The following SMARCA4 variants were observed in gnomAD, a reference collection of about 807,000 sequenced individuals.
The protein encoded by SMARCA4 is SWI/SNF related BAF chromatin remodeling complex subunit ATPase 4, also known as SWI/SNF-related matrix-associated actin-dependent regulator of chromatin subfamily A member 4.
In SMARCA4, 31 loss-of-function variants were observed where a neutral mutation model predicts 193.9. The ratio of observed to expected loss-of-function variants is 0.16; its 90% CI spans 0.12 to 0.22. The LOEUF (loss-of-function observed/expected upper bound fraction) is 0.22, where lower values mean the gene tolerates loss of function less well. SMARCA4 is among the 10% of genes least tolerant of loss of function. The pLI is 1.00. For synonymous variants in SMARCA4, 942 were observed against 933.1 expected (o/e 1.01, Z -0.17); for missense variants, 1,148 against 2,296.0 (o/e 0.50, Z 10.22).
In SMARCA4 at chr19:11,003,322, C is replaced by G. The variant is rs2146107041; in HGVS notation, c.1944-18C>G. The G allele has an allele frequency of 6.2e-7, 1 of 1,612,430 alleles. No individual in the cohort carries two copies. Among genetic ancestry groups the G allele is most frequent in the Non-Finnish European group, 8.5e-7 (1 of 1,178,460 alleles). Reference sequence around the variant, plus strand: ...GGCTCTGAGCAGATTTGTATGAAAGCCCTTACATTTTTTCTAGGTATGAAG... The same window carrying G: ...GGCTCTGAGCAGATTTGTATGAAAGGCCTTACATTTTTTCTAGGTATGAAG... On this transcript the variant is annotated intron_variant, in intron 12 of 34. Coordinates refer to ENST00000344626, the MANE Select transcript of SMARCA4 (RefSeq NM_003072.5).
At chr19:10,962,451 GA>G (rs1272151619) in intron 1 of SMARCA4, among the ~76,000 whole-genome samples, 1 of 152,140 alleles carries the variant, frequency 6.6e-6, no homozygotes, top group African/African-American at 2.4e-5. Context: ...TGCACTGTGA[GA>G]GGGACACAGC....
At chr19:11,015,281 T>G (rs1419799468) in intron 16 of SMARCA4, among the ~76,000 whole-genome samples, 5 of 152,204 alleles carry the variant, frequency 3.3e-5, no homozygotes, top group African/African-American at 7.2e-5. Context: ...CTTGTCAGTT[T>G]TCTCACAAGT....
chr19:10,981,289 A>G (rs746431855), intron 1 of SMARCA4, among the ~76,000 whole-genome samples: 8 of 152,192 alleles, frequency 5.3e-5, no homozygotes, highest in Non-Finnish European at 7.3e-5. Flanking sequence ...CTTCCCACCT[A>G]TGGAGGTAGC....
intron 14 of SMARCA4, among the ~76,000 whole-genome samples, chr19:11,008,841 G>T (rs2088504545): frequency 1.3e-5 from 2 of 151,718 alleles, no homozygotes; most frequent in Non-Finnish European, 1.5e-5. Flanking sequence ...GGGCGTGGTG[G>T]CGTGCACCTG....
At chr19:11,037,897 G>C (rs2075359813) in intron 29 of SMARCA4, among the ~76,000 whole-genome samples, 1 of 152,026 alleles carries the variant, frequency 6.6e-6, no homozygotes, top group Admixed American at 6.6e-5. Flanking sequence ...TTTTCCCATT[G>C]AGCCCATCTT....
Position 11,019,075 on chromosome 19 carries a change from G to A in SMARCA4, c.2505+52G>A. 2 of 1,402,078 alleles carry A rather than the reference G, an allele frequency of 1.4e-6. No homozygotes were observed. Among genetic ancestry groups the A allele is most frequent in the African/African-American group, 2.8e-5 (2 of 71,074 alleles). 86.9% of individuals were successfully genotyped at this position (1,402,078 alleles called of 1,614,324 possible). On this transcript the variant is annotated intron_variant, in intron 17 of 34. Coordinates refer to ENST00000344626, the MANE Select transcript of SMARCA4 (RefSeq NM_003072.5). This position sits in a 1 kb window ranked among gnomAD's most constrained non-coding sequence, Gnocchi z 6.1. ...CTCTTGCTACGGAGGTGCAGGCGGT[G>A]GTGGGCAGGACGTCCACACATACCT...
chr19:11,038,395 G>T (rs2075385315), intron 29 of SMARCA4, among the ~76,000 whole-genome samples: 1 of 152,122 alleles, frequency 6.6e-6, no homozygotes, highest in East Asian at 1.9e-4. Flanking sequence ...TGAGTCTGGG[G>T]GGCACCCGCC....
chr19:11,024,940 C>G (rs1250640549), intron 21 of SMARCA4, among the ~76,000 whole-genome samples: 1 of 151,852 alleles, frequency 6.6e-6, no homozygotes, highest in Non-Finnish European at 1.5e-5. Flanking sequence ...CTGAGCTGAG[C>G]AGCAGTGTGT....
rs1301875043 is a variant in SMARCA4, at chr19:11,062,208, G to C, written c.*392G>C. ...TTATTGGACAGGTCAGACTCGCCGG[G>C]GGCCCGGCGAGGGTATGTCAGTGTC... On this transcript the variant is annotated 3_prime_UTR_variant, in exon 35 of 35. Coordinates refer to ENST00000344626, the MANE Select transcript of SMARCA4 (RefSeq NM_003072.5). The C allele has an allele frequency of 3.3e-6, 1 of 307,226 alleles. No homozygotes were observed. Among genetic ancestry groups the C allele is most frequent in the Non-Finnish European group, 6.1e-6 (1 of 162,834 alleles). The allele number at this position is 307,226 out of a possible 1,614,324, so 19.0% of individuals were successfully genotyped here. A position where few individuals can be genotyped will look rare whatever the true frequency, so the allele number is the denominator to read the frequency against.
intron 1 of SMARCA4, among the ~76,000 whole-genome samples, chr19:10,963,424 G>T (rs1435678883): frequency 6.6e-6 from 1 of 151,700 alleles, no homozygotes; most frequent in Non-Finnish European, 1.5e-5. Context: ...ACTGGGGGTG[G>T]ATTGTAAGGG....
intron 1 of SMARCA4, among the ~76,000 whole-genome samples, chr19:10,967,891 T>A (rs1422310378): frequency 1.3e-5 from 2 of 151,422 alleles, no homozygotes; most frequent in Non-Finnish European, 2.9e-5. Flanking sequence ...TTATTTATTT[T>A]TTTGAGACGG....
intron 30 of SMARCA4, among the ~76,000 whole-genome samples, chr19:11,057,254 C>T (rs1414680365): frequency 6.6e-6 from 1 of 152,256 alleles, no homozygotes; most frequent in Non-Finnish European, 1.5e-5. Flanking sequence ...GGTCAGCTCT[C>T]AGAGCTTCTG....
At chr19:11,020,147 A>G (rs2089730509) in intron 18 of SMARCA4, among the ~76,000 whole-genome samples, 1 of 152,194 alleles carries the variant, frequency 6.6e-6, no homozygotes, top group African/African-American at 2.4e-5. Context: ...CGAGGGCCAA[A>G]TACCATGACT....
In SMARCA4 at chr19:11,034,054, C is replaced by T. The variant is rs570218125; in HGVS notation, c.3874-69C>T. ...GCTCATTCCCACGGACGCCGCCGCT[C>T]GCCTCTGAGCTCGGCCGCCGCCCAC... is the stretch of plus-strand genomic sequence containing the variant. On this transcript the variant is annotated intron_variant, in intron 27 of 34. Transcript: ENST00000344626. The surrounding 1 kb of genome is among the most constrained non-coding windows in gnomAD (Gnocchi z 7.0). 80 of 1,227,140 alleles carry T rather than the reference C, an allele frequency of 6.5e-5. 2 individuals carry two copies. The South Asian group carries it at 7.3e-4, about 11-fold the overall frequency. The allele number at this position is 1,227,140 out of a possible 1,614,324, so 76.0% of individuals were successfully genotyped here. A position where few individuals can be genotyped will look rare whatever the true frequency, so the allele number is the denominator to read the frequency against.
rs149874634 is a variant in SMARCA4, at chr19:11,023,625, C to T, written c.2967C>T (p.Pro989=). ...AGAAGGAAGTCGAGGCCCAGTTGCC[C>T]GAAAAGGTGATGGAGTTTTGAGGGG... The part of the protein sequence containing the change: ...RLKKEVEAQL[P]EKVEYVIKCD... Residue 989 remains proline (P), a synonymous_variant, in exon 20 of 35, where the codon CCC becomes CCT. Transcript: ENST00000344626. The T allele has an allele frequency of 1.3e-4, 202 of 1,603,728 alleles. No homozygotes were observed. In the Middle Eastern group the frequency reaches 1.8e-3, roughly 14 times the overall value.
At chr19:11,056,700 G>A (rs1053138580) in intron 30 of SMARCA4, among the ~76,000 whole-genome samples, 4 of 152,172 alleles carry the variant, frequency 2.6e-5, no homozygotes, top group Admixed American at 1.3e-4. Flanking sequence ...CGTGTGTAAC[G>A]TCTGCATCTC....
intron 13 of SMARCA4, 147 bp from the exon 14 acceptor site, chr19:11,007,755 A>G (rs1441273541): frequency 2.9e-6 from 2 of 691,472 alleles, no homozygotes; most frequent in Non-Finnish European, 4.9e-6. Context: ...CAAAGATGTA[A>G]ATAATAAACA....
rs867926822 is a variant in SMARCA4 at position 11,033,982 on chromosome 19, C to T, written c.3873+117C>T. ...TGTGCGTGTGCGTGTGTGTGCCTTT[C>T]GCTGCCGTGTGGGTCCCCATCCACC... On this transcript the variant is annotated intron_variant, in intron 27 of 34. Coordinates refer to ENST00000344626, the MANE Select transcript of SMARCA4 (RefSeq NM_003072.5). The surrounding 1 kb of genome is among the most constrained non-coding windows in gnomAD (Gnocchi z 9.8). 2.5e-5 allele frequency: 19 copies of T among 758,900 alleles called. No homozygotes were observed. Among genetic ancestry groups the T allele is most frequent in the Middle Eastern group, 2.3e-4 (1 of 4,432 alleles). 47.0% of individuals were successfully genotyped at this position (758,900 alleles called of 1,614,324 possible). A position where few individuals can be genotyped will look rare whatever the true frequency, so the allele number is the denominator to read the frequency against.
intron 1 of SMARCA4, among the ~76,000 whole-genome samples, chr19:10,978,191 G>C (rs899979883): frequency 6.6e-6 from 1 of 152,190 alleles, no homozygotes; most frequent in African/African-American, 2.4e-5. Flanking sequence ...AGTCCCCGCT[G>C]GATTTGCAAA....
Sources: allele counts gnomAD v4.1 joint callset (sites outside exome capture counted in the v4.1 genomes callset), GRCh38; gene constraint gnomAD v4.1.1; non-coding constraint Gnocchi (gnomAD v3.1); transcripts MANE v1.5; gene names NCBI Gene and HGNC (gene_info 2026-07-23, HGNC 2026-07-21).